The following HIRA variants were observed in gnomAD, a reference collection of about 807,000 sequenced individuals.
HIRA encodes protein HIRA.
In HIRA, 13 loss-of-function variants were observed where a neutral mutation model predicts 126.6. That is an observed-to-expected ratio of 0.10 (90% CI 0.07 to 0.16). HIRA has a LOEUF of 0.16. HIRA is among the 10% of genes least tolerant of loss of function. The probability of loss-of-function intolerance (pLI) is 1.00; values close to 1 mark genes in which losing one functional copy is unlikely to be tolerated. For missense variants in HIRA, 834 were observed against 1,314.4 expected (o/e 0.63, Z 5.65); for synonymous variants, 511 against 520.0 (o/e 0.98, Z 0.24).
At chr22:19,368,675 A>T (rs979369964) in intron 15 of HIRA, among the ~76,000 whole-genome samples, 4 of 152,236 alleles carry the variant, frequency 2.6e-5, no homozygotes, top group African/African-American at 9.6e-5. Flanking sequence ...AAAATGAGAG[A>T]ATCCTATTGT....
chr22:19,430,722 A>G (rs1435412048), intron 1 of HIRA, among the ~76,000 whole-genome samples: 5 of 152,182 alleles, frequency 3.3e-5, no homozygotes, highest in Non-Finnish European at 5.9e-5. Context: ...AGGCAGAACT[A>G]TGACGAAACT....
In HIRA at chr22:19,394,437, T is replaced by C. The variant is rs2089206776; in HGVS notation, c.727A>G (p.Met243Val). The change falls in exon 8 of 25, where the codon ATG becomes GTG. Residue 243 changes from methionine (M) to valine (V), a missense_variant. Met to Val is a conservative substitution (Grantham distance 21). Around this residue, in one of 5 missense-constraint regions of HIRA, gnomAD observed 53 missense variants for 163.7 expected, o/e 0.32. Coordinates refer to ENST00000263208, the MANE Select transcript of HIRA (RefSeq NM_003325.4). Reference sequence around the variant, plus strand: ...TGGGCAGTGGGGCCTGAGTTGTTCATGGCATGGGCAGACACCAGGTAATGC... The same window carrying C: ...TGGGCAGTGGGGCCTGAGTTGTTCACGGCATGGGCAGACACCAGGTAATGC... ...DGHYLVSAHAMNNSGPTAQII... is the reference protein window; with the variant it reads ...DGHYLVSAHAVNNSGPTAQII... 6.2e-7 allele frequency: 1 copy of C among 1,614,108 alleles called. No individual in the cohort carries two copies. The highest frequency in any genetic ancestry group is 8.5e-7 in the Non-Finnish European group (1 of 1,180,004).
intron 1 of HIRA, among the ~76,000 whole-genome samples, chr22:19,427,358 A>T (rs991465463): frequency 1.3e-5 from 2 of 152,330 alleles, no homozygotes; most frequent in Non-Finnish European, 2.9e-5. Context: ...ATTCTCAGAC[A>T]TAGGTCTGCA....
chr22:19,348,949 C>G (rs1556009886), intron 24 of HIRA, among the ~76,000 whole-genome samples: 3 of 151,182 alleles, frequency 2.0e-5, no homozygotes, highest in African/African-American at 4.9e-5. Flanking sequence ...CCAAGCCCAG[C>G]TAATTTTTTT....
At chr22:19,364,211 C>T (rs1218682231) in intron 15 of HIRA, among the ~76,000 whole-genome samples, 1 of 149,306 alleles carries the variant, frequency 6.7e-6, no homozygotes, top group Non-Finnish European at 1.5e-5. Context: ...TAACACTAAT[C>T]AAAAAAAGGT....
intron 9 of HIRA, 143 bp from the exon 10 acceptor site, chr22:19,388,697 C>T (rs2089149728): frequency 4.4e-6 from 3 of 679,056 alleles, no homozygotes; most frequent in Non-Finnish European, 8.0e-6. Flanking sequence ...CAAACTGCAG[C>T]TGCAGAGATC....
chr22:19,426,888 A>G (rs910544408), intron 1 of HIRA, among the ~76,000 whole-genome samples: 2 of 152,222 alleles, frequency 1.3e-5, no homozygotes, highest in African/African-American at 4.8e-5. Flanking sequence ...GGCAAGAATT[A>G]CTGACTTCAT....
At chr22:19,379,312 G>A (rs1196187795) in intron 13 of HIRA, among the ~76,000 whole-genome samples, 2 of 151,064 alleles carry the variant, frequency 1.3e-5, no homozygotes, top group Non-Finnish European at 3.0e-5. Flanking sequence ...GTGCCCGGCC[G>A]GCAGTTTTTC....
intron 7 of HIRA, 130 bp downstream of exon 7, chr22:19,396,657 G>A (rs2089226924): frequency 7.0e-6 from 6 of 860,244 alleles, no homozygotes; most frequent in East Asian, 2.4e-5. Flanking sequence ...TGGTGAATCC[G>A]CTCAGGCCCC....
intron 15 of HIRA, among the ~76,000 whole-genome samples, chr22:19,370,856 C>T (rs1228025466): frequency 6.6e-6 from 1 of 152,176 alleles, no homozygotes; most frequent in African/African-American, 2.4e-5. Context: ...CCTTATTATA[C>T]AGATCTTGCT....
intron 7 of HIRA, among the ~76,000 whole-genome samples, 193 bp from the exon 8 acceptor site, chr22:19,394,702 G>T (rs1043734029): frequency 1.3e-5 from 2 of 152,182 alleles, no homozygotes; most frequent in African/African-American, 2.4e-5. Flanking sequence ...AATGAATTTG[G>T]AAACTGCAGC....
At chr22:19,395,751 G>A (rs2089218364) in intron 7 of HIRA, among the ~76,000 whole-genome samples, 1 of 152,120 alleles carries the variant, frequency 6.6e-6, no homozygotes, top group Non-Finnish European at 1.5e-5. Context: ...TGCAACTAAT[G>A]GGAATGCCTG....
chr22:19,331,983 C>T (rs2088494132), intron 24 of HIRA, among the ~76,000 whole-genome samples: 1 of 152,158 alleles, frequency 6.6e-6, no homozygotes, highest in Non-Finnish European at 1.5e-5. Context: ...ACCTGGGGGG[C>T]AGTGACTGGC....
intron 24 of HIRA, among the ~76,000 whole-genome samples, chr22:19,333,889 T>A (rs556445094): frequency 6.6e-6 from 1 of 152,346 alleles, no homozygotes; most frequent in African/African-American, 2.4e-5. Context: ...CTAGTGAACT[T>A]TTCAATTCAG....
At chr22:19,380,805 G>T (rs1456048227) in intron 13 of HIRA, among the ~76,000 whole-genome samples, 1 of 152,094 alleles carries the variant, frequency 6.6e-6, no homozygotes, top group Non-Finnish European at 1.5e-5. Flanking sequence ...TATATTTTTA[G>T]TAGGGACGGG....
At chr22:19,406,904 T>C (rs1206190533) in intron 4 of HIRA, among the ~76,000 whole-genome samples, 1 of 152,178 alleles carries the variant, frequency 6.6e-6, no homozygotes, top group African/African-American at 2.4e-5. Flanking sequence ...GAAATTTCAC[T>C]TGAAAAAACA....
At position 19,331,455 on chromosome 22, in the gene HIRA, G is replaced by A; in HGVS notation, c.3039C>T (p.Ile1013=). The change falls in exon 25 of 25, where the codon ATC becomes ATT. Residue 1013 remains isoleucine (I), a synonymous_variant. Coordinates refer to ENST00000263208, the MANE Select transcript of HIRA (RefSeq NM_003325.4). ...CTGGGGCAGGCTACTTGTCCCTCAG[G>A]ATGTCGAGCTGTTCCTGACACTCGG... ...LFTECQEQLD[I]LRDK 6.2e-7 allele frequency: 1 copy of A among 1,614,144 alleles called. No individual in the cohort carries two copies. The highest frequency in any genetic ancestry group is 8.5e-7 in the Non-Finnish European group (1 of 1,180,004).
chr22:19,389,094 T>C (rs1310472932), intron 9 of HIRA, among the ~76,000 whole-genome samples: 1 of 152,230 alleles, frequency 6.6e-6, no homozygotes. Flanking sequence ...TTACCGACTA[T>C]TAATACTTTG....
At chr22:19,348,777 G>T (rs1176175850) in intron 24 of HIRA, among the ~76,000 whole-genome samples, 1 of 152,024 alleles carries the variant, frequency 6.6e-6, no homozygotes, top group African/African-American at 2.4e-5. Context: ...TTACAGGAGT[G>T]AGCCACCACG....
Sources: allele counts gnomAD v4.1 joint callset (sites outside exome capture counted in the v4.1 genomes callset), GRCh38; gene constraint gnomAD v4.1.1; regional missense constraint gnomAD v4.1.1; transcripts MANE v1.5; gene names NCBI Gene and HGNC (gene_info 2026-07-23, HGNC 2026-07-21).